TPM3: variants seen among roughly 807,000 people sequenced by gnomAD.
The protein encoded by TPM3 is tropomyosin alpha-3 chain.
TPM3 carries 16 observed loss-of-function variants against 43.1 expected under a neutral mutation model. That is an observed-to-expected ratio of 0.37 (90% CI 0.25 to 0.56). TPM3 has a LOEUF of 0.56. Ranked by LOEUF, TPM3 falls within the 20% of genes least tolerant of loss-of-function variation. The pLI is 0.77. For synonymous variants in TPM3, 101 were observed against 116.9 expected (o/e 0.86, Z 0.88); for missense variants, 176 against 337.2 (o/e 0.52, Z 3.74).
At chr1:154,191,529 G>T in intron 1 of TPM3, 1 of 1,296,740 alleles carries the variant, frequency 7.7e-7, no homozygotes, top group Non-Finnish European at 1.0e-6. Flanking sequence ...AGCCATCCTG[G>T]GTTTTCATCC....
intron 3 of TPM3, among the ~76,000 whole-genome samples, chr1:154,175,812 G>A (rs1316024451): frequency 6.6e-6 from 1 of 152,220 alleles, no homozygotes; most frequent in Non-Finnish European, 1.5e-5. Context: ...CAAGGGGACA[G>A]AATATGCAGA....
Position 154,163,735 on chromosome 1 carries a change from GC to G in TPM3, c.*4201del, listed in dbSNP as rs1384842451. Reference sequence around the variant, plus strand: ...TACAAGCTCCGCCTCCCGGGTTCACGCCATTCTCCTGCCTCAGCCTCCCAAG... The same window carrying G: ...TACAAGCTCCGCCTCCCGGGTTCACGCATTCTCCTGCCTCAGCCTCCCAAG... On this transcript the variant is annotated 3_prime_UTR_variant, in exon 10 of 10. Coordinates refer to ENST00000651641, the MANE Select transcript of TPM3 (RefSeq NM_152263.4). 6.6e-6 allele frequency among the ~76,000 whole-genome samples: 1 copy of G among 151,980 alleles called. No individual in the cohort carries two copies. Among genetic ancestry groups the G allele is most frequent in the Non-Finnish European group, 1.5e-5 (1 of 68,002 alleles).
intron 1 of TPM3, chr1:154,191,600 G>C: frequency 7.2e-7 from 1 of 1,393,062 alleles, no homozygotes; most frequent in South Asian, 1.5e-5. Flanking sequence ...TGAGTGAAAA[G>C]AGATGCTCTT....
At chr1:154,159,936 T>C (rs1330386329), downstream of TPM3, among the ~76,000 whole-genome samples, 5 of 114,354 alleles carry the variant, frequency 4.4e-5, no homozygotes, top group Non-Finnish European at 1.7e-5. Flanking sequence ...TGGCTAGATG[T>C]ATGTGATTAA....
chr1:154,159,661 G>C (rs1446167956), downstream of TPM3, among the ~76,000 whole-genome samples: 1 of 152,038 alleles, frequency 6.6e-6, no homozygotes, highest in African/African-American at 2.4e-5. Flanking sequence ...AGTGTGCCTA[G>C]TCCCAGGGAA....
downstream of TPM3, among the ~76,000 whole-genome samples, chr1:154,159,717 C>T (rs1280308360): frequency 1.3e-5 from 2 of 152,194 alleles, no homozygotes; most frequent in African/African-American, 2.4e-5. Context: ...TGTTGTTTTT[C>T]AGCCTCCCTT....
chr1:154,189,221 G>A (rs1204446212), intron 2 of TPM3, among the ~76,000 whole-genome samples: 1 of 130,938 alleles, frequency 7.6e-6, no homozygotes, highest in Non-Finnish European at 1.5e-5. Context: ...AGTGGCTCAC[G>A]CCTGTAATCC....
intron 5 of TPM3, chr1:154,172,270 T>C (rs1362449116): frequency 7.8e-6 from 6 of 773,116 alleles, no homozygotes; most frequent in Non-Finnish European, 1.4e-5. Flanking sequence ...CAGACGGGAA[T>C]GTAAGAGGGA....
chr1:154,183,198 C>T, intron 2 of TPM3: 1 of 1,585,148 alleles, frequency 6.3e-7, no homozygotes. Context: ...ACCCTTACTT[C>T]CGCCTGCTAC....
chr1:154,158,027 GC>G (rs1659984001), downstream of TPM3, among the ~76,000 whole-genome samples: 1 of 152,174 alleles, frequency 6.6e-6, no homozygotes, highest in Non-Finnish European at 1.5e-5. Flanking sequence ...TTAACCATCA[GC>G]CATCCACTTT....
chr1:154,167,646 G>C lies in TPM3; in HGVS notation c.*291C>G, dbSNP rs1286604850. 3 of 1,297,292 alleles carry C rather than the reference G, an allele frequency of 2.3e-6. No individual in the cohort carries two copies. The highest frequency in any genetic ancestry group is 3.0e-6 in the Non-Finnish European group (3 of 1,014,060). The allele number at this position is 1,297,292 out of a possible 1,614,324, so 80.4% of individuals were successfully genotyped here. ...GGCTTTGATTACATAAGTCAGAGGA[G>C]GGGGAGCCTACAATAGCTCTTCCCC... On this transcript the variant is annotated 3_prime_UTR_variant, in exon 10 of 10. Transcript: ENST00000651641.
intron 2 of TPM3, among the ~76,000 whole-genome samples, chr1:154,176,989 A>AAG (rs2148261590): frequency 6.6e-6 from 1 of 152,038 alleles, no homozygotes; most frequent in Non-Finnish European, 1.5e-5. Context: ...AAAAAAAAAA[A>AAG]AAAAAAAAGA....
At chr1:154,186,744 T>C (rs1052650520) in intron 2 of TPM3, among the ~76,000 whole-genome samples, 1 of 151,846 alleles carries the variant, frequency 6.6e-6, no homozygotes, top group East Asian at 1.9e-4. Context: ...GTAAGTTTTA[T>C]GTATGCGTAT....
chr1:154,182,027 T>C (rs1306788420), intron 2 of TPM3, among the ~76,000 whole-genome samples: 1 of 107,502 alleles, frequency 9.3e-6, no homozygotes. Flanking sequence ...TCACCTGGAA[T>C]TCATTATTGT....
chr1:154,160,473 C>G (rs577711546), downstream of TPM3, among the ~76,000 whole-genome samples: 4 of 152,198 alleles, frequency 2.6e-5, no homozygotes, highest in Non-Finnish European at 5.9e-5. Context: ...GTGTAAAAAG[C>G]CTGGGAGGGA....
At chr1:154,171,624 A>C in intron 5 of TPM3, 136 bp from the exon 6 acceptor site, 1 of 942,230 alleles carries the variant, frequency 1.1e-6, no homozygotes, top group Non-Finnish European at 1.7e-6. Context: ...AGATGTTCCC[A>C]AGTAACCTGA....
At chr1:154,174,781 A>C (rs1662108398) in intron 3 of TPM3, among the ~76,000 whole-genome samples, 1 of 151,252 alleles carries the variant, frequency 6.6e-6, no homozygotes, top group African/African-American at 2.4e-5. Flanking sequence ...GGTGTGAGCC[A>C]CTGCGCCCGG....
downstream of TPM3, chr1:154,158,773 C>T: frequency 1.7e-6 from 1 of 595,964 alleles, no homozygotes; most frequent in South Asian, 1.8e-5. Flanking sequence ...ATAATCTCTT[C>T]TAAAGGGACA....
At chr1:154,191,643 G>A in intron 1 of TPM3, 1 of 1,422,624 alleles carries the variant, frequency 7.0e-7, no homozygotes, top group Non-Finnish European at 9.2e-7. Flanking sequence ...TCCTCTAGAA[G>A]TCAAGGGTTC....
Sources: gnomAD v4.1 joint callset for allele counts (sites outside exome capture counted in the v4.1 genomes callset) on GRCh38, gnomAD v4.1.1 for gene constraint, MANE v1.5 for transcripts, NCBI Gene and HGNC (gene_info 2026-07-23, HGNC 2026-07-21) for gene names.